DGCR2: variants seen among roughly 807,000 people sequenced by gnomAD.
DGCR2 encodes integral membrane protein DGCR2/IDD.
A neutral mutation model predicts 51.6 loss-of-function variants in DGCR2; 24 were observed. The observed-to-expected ratio is 0.47, with a 90% CI of 0.34 to 0.65. DGCR2 has a LOEUF of 0.65. Ranked by LOEUF, DGCR2 falls within the 30% of genes least tolerant of loss-of-function variation. DGCR2 has a pLI of 0.01. For synonymous variants in DGCR2, 340 were observed against 315.4 expected (o/e 1.08, Z -0.82); for missense variants, 765 against 772.1 (o/e 0.99, Z 0.11).
intron 6 of DGCR2, among the ~76,000 whole-genome samples, chr22:19,052,452 G>A (rs5747967): frequency 1 from 152,027 of 152,040 alleles, 76,007 homozygotes; most frequent in Middle Eastern, 1. Flanking sequence ...AAGAAAAAAA[G>A]AAAAAAGAAA....
chr22:19,094,966 TGGGA>T (rs764340816), intron 1 of DGCR2, among the ~76,000 whole-genome samples: 94 of 151,426 alleles, frequency 6.2e-4, no homozygotes, highest in Non-Finnish European at 1.1e-3. Context: ...GGGATGGGGG[TGGGA>T]GGGATTACAA....
rs757774888 is a variant in DGCR2 at position 19,038,973 on chromosome 22, G to A, written c.1545C>T (p.Ser515=). Reference sequence around the variant, plus strand: ...CAGGGTCAGGGGGCACGAGCAGGGCGCTGCTGCTGTCGGCAGAGTCTTCCA... The same window carrying A: ...CAGGGTCAGGGGGCACGAGCAGGGCACTGCTGCTGTCGGCAGAGTCTTCCA... The part of the protein sequence containing the change: ...ADLEDSADSS[S]ALLVPPDPAQ... Residue 515 remains serine, a synonymous_variant, in exon 10 of 10, where the codon AGC becomes AGT. Coordinates refer to ENST00000263196, the MANE Select transcript of DGCR2 (RefSeq NM_005137.3). 1.4e-5 allele frequency: 23 copies of A among 1,611,684 alleles called. No individual in the cohort carries two copies. Among genetic ancestry groups the A allele is most frequent in the African/African-American group, 6.7e-5 (5 of 74,932 alleles).
At chr22:19,119,145 C>A (rs928496963) in intron 1 of DGCR2, among the ~76,000 whole-genome samples, 2 of 152,172 alleles carry the variant, frequency 1.3e-5, no homozygotes, top group Non-Finnish European at 1.5e-5. Context: ...TGTGGCTCCA[C>A]CTGGGGTTAA....
At chr22:19,056,870 G>T in intron 6 of DGCR2, 116 bp downstream of exon 6, 3 of 1,165,494 alleles carry the variant, frequency 2.6e-6, no homozygotes, top group Admixed American at 2.8e-5. Flanking sequence ...CTGGTAAGGG[G>T]CGTCCACCGC....
At chr22:19,048,972 T>C (rs1334459977) in intron 6 of DGCR2, among the ~76,000 whole-genome samples, 1 of 152,192 alleles carries the variant, frequency 6.6e-6, no homozygotes, top group Non-Finnish European at 1.5e-5. Context: ...TTCCCAGGGC[T>C]GGAATGCCAT....
Position 19,077,918 on chromosome 22 carries a change from T to G in DGCR2, c.203-9693A>C, listed in dbSNP as rs116916658. On this transcript the variant is annotated intron_variant, in intron 2 of 9. Transcript: ENST00000263196. ...ATCTCAGCTTACTGCAATCTTCACG[T>G]TCTGGGTTCAAGCAATTCTCCTGCC... 2.7e-3 allele frequency among the ~76,000 whole-genome samples: 417 copies of G among 151,956 alleles called. 9 individuals are homozygous for G. The East Asian group carries it at 0.069, about 25-fold the overall frequency.
chr22:19,083,194 G>A (rs1457272697), intron 2 of DGCR2, among the ~76,000 whole-genome samples: 2 of 152,138 alleles, frequency 1.3e-5, no homozygotes, highest in African/African-American at 2.4e-5. Context: ...TGTGAGTTAG[G>A]GATCCAACTG....
chr22:19,099,919 G>T (rs758292536), intron 1 of DGCR2, among the ~76,000 whole-genome samples: 1 of 149,156 alleles, frequency 6.7e-6, no homozygotes, highest in Non-Finnish European at 1.5e-5. Context: ...GCAGTGAGCC[G>T]AGATTGTACC....
intron 5 of DGCR2, among the ~76,000 whole-genome samples, chr22:19,062,779 A>ATTCTCATTCTCTCTCTCT: frequency 7.9e-6 from 1 of 127,354 alleles, no homozygotes; most frequent in Non-Finnish European, 1.8e-5. Context: ...ATGCATGCTC[A>ATTCTCATTCTCTCTCTCT]CTCTCTCTCT....
intron 8 of DGCR2, 111 bp from the exon 9 acceptor site, chr22:19,041,405 A>T: frequency 9.5e-7 from 1 of 1,053,964 alleles, no homozygotes; most frequent in Non-Finnish European, 1.4e-6. Context: ...GAGTGCACAC[A>T]CCTGTGCCCC....
intron 2 of DGCR2, among the ~76,000 whole-genome samples, chr22:19,083,049 T>C (rs1466040221): frequency 6.8e-6 from 1 of 147,342 alleles, no homozygotes; most frequent in African/African-American, 2.5e-5. Context: ...AACGTGTCAC[T>C]GCACTCCAGC....
At chr22:19,103,448 T>G (rs1231324518) in intron 1 of DGCR2, among the ~76,000 whole-genome samples, 2 of 103,504 alleles carry the variant, frequency 1.9e-5, no homozygotes, top group African/African-American at 4.1e-5. Flanking sequence ...TTTTTTTTTT[T>G]GAGCCGGAGT....
chr22:19,046,003 C>T (rs994190239), intron 7 of DGCR2, among the ~76,000 whole-genome samples: 6 of 152,202 alleles, frequency 3.9e-5, no homozygotes, highest in Admixed American at 6.5e-5. Flanking sequence ...GCTGGGATTA[C>T]AGGTGCGAGA....
intron 1 of DGCR2, among the ~76,000 whole-genome samples, chr22:19,107,113 T>C (rs1199164233): frequency 1.3e-5 from 2 of 152,216 alleles, no homozygotes; most frequent in Non-Finnish European, 2.9e-5. Context: ...TATGGCTCCC[T>C]AAATGGCAGT....
intron 7 of DGCR2, among the ~76,000 whole-genome samples, chr22:19,044,232 C>G (rs1036201150): frequency 6.6e-6 from 1 of 152,186 alleles, no homozygotes; most frequent in African/African-American, 2.4e-5. Context: ...GCCCCAGAAG[C>G]CAGAGGCCAG....
chr22:19,038,621 AAGG>A lies in DGCR2; in HGVS notation c.*241_*243del, dbSNP rs1176235958. ...TTTTGTCACTCTTCTGCCATTTATA[AAGG>A]AGAAGACAGTGATCCAAAGCTATGC... On this transcript the variant is annotated 3_prime_UTR_variant, in exon 10 of 10. Transcript: ENST00000263196. The A allele has an allele frequency of 8.9e-6, 5 of 561,156 alleles. No homozygotes were observed. Among genetic ancestry groups the A allele is most frequent in the East Asian group, 3.1e-5 (1 of 32,126 alleles). 34.8% of individuals were successfully genotyped at this position (561,156 alleles called of 1,614,324 possible).
At chr22:19,058,775 G>A (rs923215100) in intron 5 of DGCR2, among the ~76,000 whole-genome samples, 2 of 152,212 alleles carry the variant, frequency 1.3e-5, no homozygotes, top group African/African-American at 2.4e-5. Flanking sequence ...ATTTGCCCAC[G>A]AAAGCTGCCT....
intron 1 of DGCR2, among the ~76,000 whole-genome samples, chr22:19,092,746 A>C (rs116876051): frequency 6.6e-6 from 1 of 152,360 alleles, no homozygotes; most frequent in Non-Finnish European, 1.5e-5. Context: ...TATAAATCTA[A>C]CAAAAGATGT....
chr22:19,111,190 G>A (rs2083310506), intron 1 of DGCR2, among the ~76,000 whole-genome samples: 3 of 152,214 alleles, frequency 2.0e-5, no homozygotes, highest in Admixed American at 2.0e-4. Context: ...TGCAATCACT[G>A]TGTGGTGAGA....
Sources: gnomAD v4.1 joint callset for allele counts (sites outside exome capture counted in the v4.1 genomes callset) on GRCh38, gnomAD v4.1.1 for gene constraint, MANE v1.5 for transcripts, NCBI Gene and HGNC (gene_info 2026-07-23, HGNC 2026-07-21) for gene names.